The following FSD1L variants were observed in gnomAD, a reference collection of about 807,000 sequenced individuals.
FSD1L encodes the protein fibronectin type III and SPRY domain containing 1 like, also known as FSD1-like protein.
Under a neutral mutation model 71.6 loss-of-function variants are expected in FSD1L, and 45 were observed. That is an observed-to-expected ratio of 0.63 (90% CI 0.49 to 0.81). FSD1L has a LOEUF of 0.81. Ranked by LOEUF, FSD1L falls within the 30% of genes least tolerant of loss-of-function variation. The pLI is 0.00. For missense variants in FSD1L, 561 were observed against 618.1 expected, an observed-to-expected ratio of 0.91 and a Z score of 0.98; for synonymous variants, 197 against 207.2, an observed-to-expected ratio of 0.95 and a Z score of 0.42.
chr9:105,448,272 A>T (rs976617774), intron 1 of FSD1L, 37 bp downstream of exon 1: 5 of 1,412,040 alleles, frequency 3.5e-6, no homozygotes, highest in African/African-American at 1.5e-5. Flanking sequence ...TACCGAGACA[A>T]GCCGGGCCGG....
intron 7 of FSD1L, among the ~76,000 whole-genome samples, chr9:105,489,511 A>T (rs1340741870): frequency 6.6e-6 from 1 of 151,854 alleles, no homozygotes; most frequent in East Asian, 1.9e-4. Flanking sequence ...TTTTTATTTT[A>T]TTATTATTAT....
chr9:105,490,140 A>G (rs1832826951), intron 7 of FSD1L, among the ~76,000 whole-genome samples: 1 of 152,134 alleles, frequency 6.6e-6, no homozygotes, highest in African/African-American at 2.4e-5. Context: ...AAGCGTTCCT[A>G]TTTCTCCACA....
At chr9:105,467,442 T>C (rs896460303) in intron 3 of FSD1L, among the ~76,000 whole-genome samples, 1 of 152,188 alleles carries the variant, frequency 6.6e-6, no homozygotes, top group African/African-American at 2.4e-5. Flanking sequence ...ATTCAAGTTA[T>C]TTTTTGTTGA....
intron 9 of FSD1L, among the ~76,000 whole-genome samples, chr9:105,509,734 T>C (rs1398928676): frequency 3.9e-4 from 60 of 152,196 alleles, no homozygotes; most frequent in Non-Finnish European, 5.9e-5. Flanking sequence ...AAGTCTATCT[T>C]GAAGTAATTT....
rs953583619 is a variant in FSD1L, at chr9:105,519,783, G to C, written c.1025+6847G>C. 1.4e-4 allele frequency among the ~76,000 whole-genome samples: 22 copies of C among 152,298 alleles called. No homozygotes were observed. The East Asian group carries it at 3.3e-3, about 23-fold the overall frequency. ...TGCTGCCTCCGAGAGCTCCACCTTCGTGGCTCTGGATCCGGGGCCCCGGCC... is the reference window on the plus strand; with the variant it reads ...TGCTGCCTCCGAGAGCTCCACCTTCCTGGCTCTGGATCCGGGGCCCCGGCC... On this transcript the variant is annotated intron_variant, in intron 10 of 13. Coordinates refer to ENST00000481272, the MANE Select transcript of FSD1L (RefSeq NM_001145313.3).
intron 7 of FSD1L, among the ~76,000 whole-genome samples, chr9:105,488,768 C>CT (rs1554706066): frequency 1.4e-5 from 2 of 139,562 alleles, no homozygotes; most frequent in South Asian, 2.2e-4. Context: ...GTCTGTATGT[C>CT]TTTTTTGGTG....
At chr9:105,487,706 A>T (rs1832645359) in intron 7 of FSD1L, among the ~76,000 whole-genome samples, 1 of 151,756 alleles carries the variant, frequency 6.6e-6, no homozygotes, top group African/African-American at 2.4e-5. Flanking sequence ...ATTTATGGTG[A>T]TTTTTTTTCC....
At chr9:105,523,213 A>G in intron 10 of FSD1L, 5 of 1,612,978 alleles carry the variant, frequency 3.1e-6, no homozygotes, top group South Asian at 1.1e-5. Context: ...ACTGGTTCAG[A>G]AAGTGCTTCC....
chr9:105,452,657 GCCTGCCTGCCTGCCTTCCTTCCTTCCTT>G (rs1404264041), intron 1 of FSD1L, among the ~76,000 whole-genome samples: 17 of 128,576 alleles, frequency 1.3e-4, no homozygotes, highest in Admixed American at 1.1e-3. Context: ...CTGCCTGCCT[GCCTGCCTGCCTGCCTTCCTTCCTTCCTT>G]CCTTCCTTCC....
At chr9:105,453,806 T>C (rs2131575974) in intron 1 of FSD1L, among the ~76,000 whole-genome samples, 1 of 152,300 alleles carries the variant, frequency 6.6e-6, no homozygotes, top group African/African-American at 2.4e-5. Flanking sequence ...TAAACACATA[T>C]TGAATGTTTG....
At chr9:105,448,310 G>C (rs1829753656) in intron 1 of FSD1L, 75 bp downstream of exon 1, 1 of 1,358,016 alleles carries the variant, frequency 7.4e-7, no homozygotes. Context: ...GCCTGGGCCC[G>C]TGGGCTGTGG....
chr9:105,488,334 C>T (rs1018725804), intron 7 of FSD1L, among the ~76,000 whole-genome samples: 2 of 152,178 alleles, frequency 1.3e-5, no homozygotes, highest in African/African-American at 2.4e-5. Context: ...TAAGTTTCCT[C>T]CATGTATATT....
At chr9:105,520,568 T>G (rs1835081824) in intron 10 of FSD1L, 7 of 1,358,616 alleles carry the variant, frequency 5.2e-6, no homozygotes, top group Non-Finnish European at 7.4e-6. Flanking sequence ...CCATGGCAGT[T>G]TCATAATATT....
At chr9:105,489,854 G>A (rs539665462) in intron 7 of FSD1L, among the ~76,000 whole-genome samples, 19 of 152,264 alleles carry the variant, frequency 1.2e-4, no homozygotes, top group Admixed American at 7.9e-4. Context: ...TTATGGCTGC[G>A]TAGTATTCCA....
intron 10 of FSD1L, among the ~76,000 whole-genome samples, chr9:105,533,416 C>CTGTTTTTTT (rs1836033198): frequency 3.4e-5 from 1 of 29,070 alleles, no homozygotes; most frequent in Non-Finnish European, 6.0e-5. Flanking sequence ...CCATTTCCAT[C>CTGTTTTTTT]TTTTTTTTTT....
intron 7 of FSD1L, among the ~76,000 whole-genome samples, chr9:105,496,745 C>T (rs1028708546): frequency 6.6e-6 from 1 of 152,238 alleles, no homozygotes; most frequent in Non-Finnish European, 1.5e-5. Flanking sequence ...AGCCTTGCTG[C>T]AATCACTTAC....
At chr9:105,466,438 AAAC>A (rs1372907305) in intron 3 of FSD1L, among the ~76,000 whole-genome samples, 1 of 152,212 alleles carries the variant, frequency 6.6e-6, no homozygotes, top group Non-Finnish European at 1.5e-5. Context: ...TCTTTAGCAA[AAAC>A]AACATTCATG....
In FSD1L at chr9:105,471,828, A is replaced by C. The variant is rs1390302879; in HGVS notation, c.340-76A>C. 3 of 533,774 alleles carry C rather than the reference A, an allele frequency of 5.6e-6. No individual in the cohort carries two copies. In the African/African-American group the frequency reaches 6.1e-5, roughly 11 times the overall value. The allele number at this position is 533,774 out of a possible 1,614,324, so 33.1% of individuals were successfully genotyped here. A position where few individuals can be genotyped will look rare whatever the true frequency, so the allele number is the denominator to read the frequency against. The stretch of plus-strand genomic sequence containing the variant: ...TAAAATTATTTGTAAGTTCATTATA[A>C]CAATATATATTTAAGATTCTAATGG... On this transcript the variant is annotated intron_variant, in intron 4 of 13. Coordinates refer to ENST00000481272, the MANE Select transcript of FSD1L (RefSeq NM_001145313.3).
intron 10 of FSD1L, among the ~76,000 whole-genome samples, chr9:105,518,364 C>T (rs1340672727): frequency 6.6e-6 from 1 of 152,146 alleles, no homozygotes; most frequent in Non-Finnish European, 1.5e-5. Flanking sequence ...ATACATTCTT[C>T]TCAGCACCTC....
Sources: gnomAD v4.1 joint callset for allele counts (sites outside exome capture counted in the v4.1 genomes callset) on GRCh38, gnomAD v4.1.1 for gene constraint, MANE v1.5 for transcripts, NCBI Gene and HGNC (gene_info 2026-07-23, HGNC 2026-07-21) for gene names.